Variants in ZC3H4 observed in about 807,000 individuals in gnomAD.
The protein encoded by ZC3H4 is zinc finger CCCH domain-containing protein 4.
ZC3H4 carries 13 observed loss-of-function variants against 108.3 expected under a neutral mutation model. The ratio of observed to expected loss-of-function variants is 0.12; its 90% CI spans 0.08 to 0.19. ZC3H4 has a LOEUF of 0.19. Among genes scored for constraint, ZC3H4 ranks in the 10% least tolerant of loss-of-function variants. The pLI, the probability that ZC3H4 is intolerant of heterozygous loss-of-function variation, is 1.00. For synonymous variants in ZC3H4, 917 were observed against 749.6 expected, an observed-to-expected ratio of 1.22 and a Z score of -3.65; for missense variants, 1,734 against 1,838.8, an observed-to-expected ratio of 0.94 and a Z score of 1.04.
intron 2 of ZC3H4, among the ~76,000 whole-genome samples, chr19:47,101,433 TG>T (rs1474728838): frequency 2.6e-5 from 4 of 152,022 alleles, no homozygotes; most frequent in African/African-American, 9.7e-5. Flanking sequence ...TTGCCCAGGC[TG>T]GTCTTGAACT....
rs2057350018 is a variant in ZC3H4, at chr19:47,072,546, G to A, written c.1608C>T (p.Pro536=). ...PQAPTSPNGR[P]MQGGPPPPPP... is the part of the protein sequence containing the mutation. ...GCGGGGGCGGGGGGCCACCCTGCAT[G>A]GGCCTGCCGTTGGGAGAGGTTGGAG... The change falls in exon 12 of 15, where the codon CCC becomes CCT. Residue 536 remains proline, a synonymous_variant. Coordinates refer to ENST00000253048, the MANE Select transcript of ZC3H4 (RefSeq NM_015168.2). The surrounding 1 kb of genome is among the most constrained non-coding windows in gnomAD (Gnocchi z 5.6). 4 of 1,522,884 alleles carry A rather than the reference G, an allele frequency of 2.6e-6. No individual in the cohort carries two copies. The highest frequency in any genetic ancestry group is 2.6e-6 in the Non-Finnish European group (3 of 1,136,434). The allele number at this position is 1,522,884 out of a possible 1,614,324, so 94.3% of individuals were successfully genotyped here. A position where few individuals can be genotyped will look rare whatever the true frequency, so the allele number is the denominator to read the frequency against.
intron 11 of ZC3H4, among the ~76,000 whole-genome samples, chr19:47,074,857 T>C (rs998688972): frequency 2.4e-4 from 36 of 152,172 alleles, no homozygotes; most frequent in African/African-American, 8.4e-4. Context: ...GGCGCCCTCA[T>C]GTACTCATTC....
At chr19:47,091,129 C>T (rs1178880304) in intron 4 of ZC3H4, among the ~76,000 whole-genome samples, 2 of 151,848 alleles carry the variant, frequency 1.3e-5, no homozygotes, top group African/African-American at 4.8e-5. Context: ...ACAAAATAGC[C>T]GAGTGTGGGG....
At chr19:47,096,071 G>C (rs558616782) in intron 2 of ZC3H4, among the ~76,000 whole-genome samples, 1 of 152,268 alleles carries the variant, frequency 6.6e-6, no homozygotes, top group East Asian at 1.9e-4. Context: ...CCCTCCCTTT[G>C]TCTGCCTTGG....
rs142382601 is a variant in ZC3H4, at chr19:47,105,671, A to G, written c.161+6753T>C. Among the ~76,000 whole-genome samples the G allele has an allele frequency of 3.9e-4, 59 of 152,290 alleles. No individual in the cohort carries two copies. In the East Asian group the frequency reaches 9.6e-3, roughly 25 times the overall value. Reference sequence around the variant, plus strand: ...TGGGTGGGCTGGCTTTGGCCCGAGAATCATAGTTTGCCGACCCCTAGCCTG... The same window carrying G: ...TGGGTGGGCTGGCTTTGGCCCGAGAGTCATAGTTTGCCGACCCCTAGCCTG... On this transcript the variant is annotated intron_variant, in intron 2 of 14. Transcript: ENST00000253048.
chr19:47,075,507 C>T (rs888238212), intron 11 of ZC3H4, among the ~76,000 whole-genome samples: 1 of 152,110 alleles, frequency 6.6e-6, no homozygotes, highest in Non-Finnish European at 1.5e-5. Flanking sequence ...CCAGTGTCAC[C>T]TCCTCACAAA....
At chr19:47,107,653 T>C (rs1169721852) in intron 2 of ZC3H4, among the ~76,000 whole-genome samples, 1 of 149,558 alleles carries the variant, frequency 6.7e-6, no homozygotes, top group East Asian at 1.9e-4. Flanking sequence ...CTGCGTTCTG[T>C]TAAGAAAAAA....
rs764694721 is a variant in ZC3H4 at position 47,067,367 on chromosome 19, G to C, written c.2901C>G (p.Thr967=). ...TGCGGGCGAAGCTGGGCTTGCTCAGGGTCACGTCCTTCTTGATGTGGCTGA... is the reference window on the plus strand; with the variant it reads ...TGCGGGCGAAGCTGGGCTTGCTCAGCGTCACGTCCTTCTTGATGTGGCTGA... ...QQFSHIKKDV[T]LSKPSFARTV... The change falls in exon 15 of 15, where the codon ACC becomes ACG. Residue 967 remains threonine, a synonymous_variant. Transcript: ENST00000253048. This position sits in a 1 kb window ranked among gnomAD's most constrained non-coding sequence, Gnocchi z 6.4. 3 of 1,607,728 alleles carry C rather than the reference G, an allele frequency of 1.9e-6. No homozygotes were observed. The East Asian group carries it at 6.7e-5, about 36-fold the overall frequency.
Position 47,072,818 on chromosome 19 carries a change from G to A in ZC3H4, c.1441-105C>T. The A allele has an allele frequency of 1.5e-6, 2 of 1,351,614 alleles. No individual in the cohort carries two copies. The highest frequency in any genetic ancestry group is 2.0e-6 in the Non-Finnish European group (2 of 992,812). The allele number at this position is 1,351,614 out of a possible 1,614,324, so 83.7% of individuals were successfully genotyped here. On this transcript the variant is annotated intron_variant, in intron 11 of 14. Coordinates refer to ENST00000253048, the MANE Select transcript of ZC3H4 (RefSeq NM_015168.2). This position sits in a 1 kb window ranked among gnomAD's most constrained non-coding sequence, Gnocchi z 5.6. The stretch of plus-strand genomic sequence containing the variant: ...TTATGAGGAAAAGTCCATAATACAA[G>A]GACCTTGAGATCTAAAGGCATAAAG...
chr19:47,080,767 G>A (rs1228946167), intron 11 of ZC3H4, among the ~76,000 whole-genome samples: 1 of 151,928 alleles, frequency 6.6e-6, no homozygotes, highest in African/African-American at 2.4e-5. Context: ...TAAGTAGCTG[G>A]GACTACACGC....
In ZC3H4 at chr19:47,067,164, G is replaced by A. The variant is rs2057225199; in HGVS notation, c.3104C>T (p.Thr1035Ile). 6.2e-7 allele frequency: 1 copy of A among 1,611,928 alleles called. No homozygotes were observed. Among genetic ancestry groups the A allele is most frequent in the Non-Finnish European group, 8.5e-7 (1 of 1,178,862 alleles). The part of the protein sequence containing the change: ...QRPGASTDSS[T>I]QGANLPDFEL... The stretch of plus-strand genomic sequence containing the variant: ...AAAGTCGGGGAGGTTGGCGCCCTGT[G>A]TGCTGGAATCCGTGGAGGCGCCCGG... The change falls in exon 15 of 15, where the codon ACA (threonine) becomes ATA (isoleucine). Residue 1035 changes from threonine to isoleucine, a missense_variant. By Grantham distance (89) the Thr-to-Ile change is moderately conservative. Transcript: ENST00000253048. This position sits in a 1 kb window ranked among gnomAD's most constrained non-coding sequence, Gnocchi z 6.4.
At chr19:47,082,511 C>T (rs1013122899) in intron 9 of ZC3H4, among the ~76,000 whole-genome samples, 1 of 152,136 alleles carries the variant, frequency 6.6e-6, no homozygotes, top group African/African-American at 2.4e-5. Context: ...ACAGGTCTCA[C>T]TATGTTGCCC....
intron 11 of ZC3H4, among the ~76,000 whole-genome samples, chr19:47,073,580 A>G (rs2057366277): frequency 6.6e-6 from 1 of 152,222 alleles, no homozygotes; most frequent in Non-Finnish European, 1.5e-5. Flanking sequence ...TCAAAAAACA[A>G]AAACAAAACA....
rs943211326 is a variant in ZC3H4 at position 47,112,419 on chromosome 19, C to T, written c.161+5G>A. 8.1e-7 allele frequency: 1 copy of T among 1,234,904 alleles called. No homozygotes were observed. The highest frequency in any genetic ancestry group is 1.0e-6 in the Non-Finnish European group (1 of 987,850). 76.5% of individuals were successfully genotyped at this position (1,234,904 alleles called of 1,614,324 possible). A position where few individuals can be genotyped will look rare whatever the true frequency, so the allele number is the denominator to read the frequency against. ...ACGCAGCCCCGGCCCAACCGGGGGC[C>T]TGACCTGTCGTCAGGGAGCGGGAGG... On this transcript the variant is annotated splice_donor_5th_base_variant and intron_variant, in intron 2 of 14. Coordinates refer to ENST00000253048, the MANE Select transcript of ZC3H4 (RefSeq NM_015168.2).
chr19:47,069,071 G>A (rs770705125), intron 14 of ZC3H4, 21 bp downstream of exon 14: 2 of 1,601,722 alleles, frequency 1.2e-6, no homozygotes, highest in South Asian at 1.1e-5. Context: ...CTGTGCCCCG[G>A]CCCCTGGGGC....
chr19:47,070,143 C>T (rs1017655466), intron 13 of ZC3H4, among the ~76,000 whole-genome samples: 4 of 151,152 alleles, frequency 2.6e-5, no homozygotes, highest in Admixed American at 2.6e-4. Context: ...GAGGGGGGGG[C>T]GTCTGGAGTC....
intron 2 of ZC3H4, among the ~76,000 whole-genome samples, chr19:47,111,733 C>T (rs184543894): frequency 6.6e-6 from 1 of 150,806 alleles, no homozygotes; most frequent in African/African-American, 2.4e-5. Flanking sequence ...CTAAAAAACA[C>T]CCCCCGCCAA....
intron 4 of ZC3H4, among the ~76,000 whole-genome samples, chr19:47,092,751 A>G (rs957858617): frequency 2.0e-5 from 3 of 152,048 alleles, no homozygotes; most frequent in Non-Finnish European, 2.9e-5. Flanking sequence ...AGAGAGGTGG[A>G]AGTTGCAGTG....
At position 47,094,077 on chromosome 19, in the gene ZC3H4, G is replaced by A. The variant is rs1175381504; in HGVS notation, c.385C>T (p.His129Tyr). The A allele has an allele frequency of 8.1e-6, 13 of 1,614,020 alleles. No homozygotes were observed. The highest frequency in any genetic ancestry group is 1.1e-5 in the Non-Finnish European group (13 of 1,179,888). ...GAGAAGTCATCGCTAGAAGAAGCAT[G>A]GCGCTGTAATGACAGGGGAAGGAGA... ...KKRRKSKHKR[H>Y]ASSSDDFSDF... The change falls in exon 4 of 15, where the codon CAT (histidine) becomes TAT (tyrosine). Residue 129 changes from histidine (H) to tyrosine (Y), a missense_variant. By Grantham distance (83) the His-to-Tyr change is moderately conservative (BLOSUM62 2). Coordinates refer to ENST00000253048, the MANE Select transcript of ZC3H4 (RefSeq NM_015168.2).
Sources: gnomAD v4.1 joint callset for allele counts (sites outside exome capture counted in the v4.1 genomes callset) on GRCh38, gnomAD v4.1.1 for gene constraint, Gnocchi (gnomAD v3.1) non-coding constraint, MANE v1.5 for transcripts, NCBI Gene and HGNC (gene_info 2026-07-23, HGNC 2026-07-21) for gene names.